The following RASA1 variants were observed in gnomAD, a reference collection of about 807,000 sequenced individuals.
RASA1 encodes RAS p21 protein activator 1, also known as ras GTPase-activating protein 1.
Under a neutral mutation model 132.2 loss-of-function variants are expected in RASA1, and 25 were observed. The observed-to-expected ratio is 0.19, with a 90% confidence interval of 0.14 to 0.26. The LOEUF (loss-of-function observed/expected upper bound fraction) is 0.26. Ranked by LOEUF, RASA1 falls within the 10% of genes least tolerant of loss-of-function variation. The pLI is 1.00. For synonymous variants in RASA1, 477 were observed against 449.9 expected, an observed-to-expected ratio of 1.06 and a Z score of -0.76; for missense variants, 964 against 1,299.2, an observed-to-expected ratio of 0.74 and a Z score of 3.97.
At chr5:87,293,396 T>A (rs943790632) in intron 1 of RASA1, among the ~76,000 whole-genome samples, 2 of 152,200 alleles carry the variant, frequency 1.3e-5, no homozygotes, top group African/African-American at 4.8e-5. Flanking sequence ...CTGACGTGAT[T>A]GATTACATTG....
intron 21 of RASA1, among the ~76,000 whole-genome samples, chr5:87,384,454 CAAA>C (rs1222035627): frequency 6.6e-6 from 1 of 152,064 alleles, no homozygotes; most frequent in Non-Finnish European, 1.5e-5. Flanking sequence ...ATCTGAAGCT[CAAA>C]ATTGTACTAA....
At chr5:87,322,274 C>T (rs1486455405) in intron 1 of RASA1, among the ~76,000 whole-genome samples, 1 of 152,154 alleles carries the variant, frequency 6.6e-6, no homozygotes, top group East Asian at 1.9e-4. Context: ...ACTGTCTGAG[C>T]TCCACCTTCT....
chr5:87,313,986 G>A (rs1331400790), intron 1 of RASA1, among the ~76,000 whole-genome samples: 4 of 152,052 alleles, frequency 2.6e-5, no homozygotes, highest in Non-Finnish European at 5.9e-5. Flanking sequence ...TGACCAACAT[G>A]GAGAAACCCT....
intron 1 of RASA1, chr5:87,330,980 C>A: frequency 7.0e-7 from 1 of 1,431,768 alleles, no homozygotes; most frequent in Non-Finnish European, 9.2e-7. Flanking sequence ...AGTATAAGAT[C>A]GAGGTAGTAA....
At chr5:87,302,966 T>C (rs188652653) in intron 1 of RASA1, among the ~76,000 whole-genome samples, 31 of 152,292 alleles carry the variant, frequency 2.0e-4, no homozygotes, top group Middle Eastern at 6.8e-3. Context: ...CTTTTAGACG[T>C]ACATATGGAA....
intron 9 of RASA1, among the ~76,000 whole-genome samples, chr5:87,355,294 GC>G (rs1387361346): frequency 6.6e-6 from 1 of 152,146 alleles, no homozygotes; most frequent in Non-Finnish European, 1.5e-5. Context: ...CTTTTCAGGG[GC>G]TAATGCAGCT....
intron 9 of RASA1, among the ~76,000 whole-genome samples, chr5:87,359,227 T>C (rs1759887274): frequency 6.6e-6 from 1 of 152,176 alleles, no homozygotes; most frequent in South Asian, 2.1e-4. Context: ...TAAGTCTGTC[T>C]TCAGGAGCTT....
At chr5:87,350,362 C>T (rs572195059) in intron 8 of RASA1, among the ~76,000 whole-genome samples, 2 of 151,844 alleles carry the variant, frequency 1.3e-5, no homozygotes, top group South Asian at 4.2e-4. Context: ...AATTTGAGTT[C>T]TTTAAGAATG....
chr5:87,284,999 T>C (rs978865168), intron 1 of RASA1, among the ~76,000 whole-genome samples: 3 of 151,924 alleles, frequency 2.0e-5, no homozygotes, highest in Admixed American at 2.0e-4. Context: ...TCAGAAATCA[T>C]ACAACTTTTA....
At chr5:87,355,673 T>C (rs540415913) in intron 9 of RASA1, among the ~76,000 whole-genome samples, 33 of 152,378 alleles carry the variant, frequency 2.2e-4, no homozygotes, top group African/African-American at 7.2e-4. Context: ...AATTTCATAA[T>C]GTTATGTTTG....
At chr5:87,375,686 C>T (rs576966314) in intron 15 of RASA1, among the ~76,000 whole-genome samples, 2 of 152,300 alleles carry the variant, frequency 1.3e-5, no homozygotes, top group African/African-American at 4.8e-5. Context: ...CTCAGCAGCA[C>T]AGCTCCTTCC....
chr5:87,327,177 A>G (rs1208814232), intron 1 of RASA1, among the ~76,000 whole-genome samples: 1 of 152,212 alleles, frequency 6.6e-6, no homozygotes, highest in African/African-American at 2.4e-5. Flanking sequence ...TTAAGCCAAC[A>G]TTCTCTGAGG....
intron 1 of RASA1, among the ~76,000 whole-genome samples, chr5:87,288,635 C>T (rs1267103810): frequency 6.6e-6 from 1 of 151,942 alleles, no homozygotes; most frequent in East Asian, 1.9e-4. Context: ...TTTTTTTAGC[C>T]CAAGGATGGA....
chr5:87,283,053 A>G (rs549342236), intron 1 of RASA1, among the ~76,000 whole-genome samples: 6 of 151,898 alleles, frequency 4.0e-5, no homozygotes, highest in Non-Finnish European at 7.4e-5. Flanking sequence ...CCATGTTTGT[A>G]CCATAGATCT....
chr5:87,296,307 C>G (rs1319670443), intron 1 of RASA1, among the ~76,000 whole-genome samples: 1 of 152,136 alleles, frequency 6.6e-6, no homozygotes, highest in Non-Finnish European at 1.5e-5. Context: ...TTCACTTATA[C>G]ATAGGCATAC....
Position 87,363,515 on chromosome 5 carries a change from G to T in RASA1, c.1610+11G>T. Reference sequence around the variant, plus strand: ...TAGTCTCTTTGGCAGGTAAGAGACTGGTTTCCTATTTTTCTTTCGGAATTG... The same window carrying T: ...TAGTCTCTTTGGCAGGTAAGAGACTTGTTTCCTATTTTTCTTTCGGAATTG... On this transcript the variant is annotated intron_variant, in intron 11 of 24. Transcript: ENST00000274376. 1.2e-6 allele frequency: 2 copies of T among 1,607,972 alleles called. No homozygotes were observed. Among genetic ancestry groups the T allele is most frequent in the South Asian group, 2.2e-5 (2 of 90,904 alleles).
At chr5:87,380,704 T>C in intron 20 of RASA1, 109 bp downstream of exon 20, 1 of 1,026,254 alleles carries the variant, frequency 9.7e-7, no homozygotes, top group Non-Finnish European at 1.5e-6. Context: ...GGCTTTTATG[T>C]CAAAGCCCTG....
intron 6 of RASA1, among the ~76,000 whole-genome samples, chr5:87,341,792 A>G (rs542822170): frequency 6.6e-6 from 1 of 152,206 alleles, no homozygotes; most frequent in East Asian, 1.9e-4. Context: ...CTGAACCATT[A>G]ATCCCAATTC....
chr5:87,344,759 T>G (rs7700302), intron 6 of RASA1, among the ~76,000 whole-genome samples: 4,813 of 150,202 alleles, frequency 0.032, 159 homozygotes, highest in African/African-American at 0.075. Context: ...CCTCAAGTGA[T>G]CCTCCCACCT....
Sources: allele counts gnomAD v4.1 joint callset (sites outside exome capture counted in the v4.1 genomes callset), GRCh38; gene constraint gnomAD v4.1.1; transcripts MANE v1.5; gene names NCBI Gene and HGNC (gene_info 2026-07-23, HGNC 2026-07-21).